NUCKS1: variants seen among roughly 807,000 people sequenced by gnomAD.
The protein encoded by NUCKS1 is nuclear casein kinase and cyclin dependent kinase substrate 1, also known as nuclear ubiquitous casein and cyclin-dependent kinase substrate 1.
A neutral mutation model predicts 33.0 loss-of-function variants in NUCKS1; 2 were observed. That is an observed-to-expected ratio of 0.06 (90% CI 0.02 to 0.19). NUCKS1 has a LOEUF of 0.19. NUCKS1 is among the 10% of genes least tolerant of loss of function. The probability of loss-of-function intolerance (pLI) is 1.00; values close to 1 mark genes in which losing one functional copy is unlikely to be tolerated. For missense variants in NUCKS1, 201 were observed against 293.6 expected (o/e 0.68, Z 2.31); for synonymous variants, 106 against 102.8 (o/e 1.03, Z -0.19).
chr1:205,749,096 G>T (rs987253088), intron 1 of NUCKS1, among the ~76,000 whole-genome samples: 1 of 152,194 alleles, frequency 6.6e-6, no homozygotes, highest in African/African-American at 2.4e-5. Flanking sequence ...GGACAAGAGG[G>T]TTACAAAAAT....
At chr1:205,741,843 A>T (rs1654183806) in intron 1 of NUCKS1, among the ~76,000 whole-genome samples, 1 of 152,200 alleles carries the variant, frequency 6.6e-6, no homozygotes. Flanking sequence ...ACAACCCCTT[A>T]TCCAAAGCTC....
At chr1:205,749,933 C>T in intron 1 of NUCKS1, 24 bp downstream of exon 1, 2 of 1,608,148 alleles carry the variant, frequency 1.2e-6, no homozygotes, top group Non-Finnish European at 1.7e-6. Flanking sequence ...CCAACCCGCT[C>T]CAGGCCTCAG....
chr1:205,715,503 G>A lies in NUCKS1; in HGVS notation c.*2777C>T, dbSNP rs969776361. The A allele has an allele frequency of 2.6e-5, 4 of 152,168 alleles. No homozygotes were observed. Among genetic ancestry groups the A allele is most frequent in the South Asian group, 2.1e-4 (1 of 4,828 alleles). The allele number at this position is 152,168 out of a possible 1,614,324, so 9.4% of individuals were successfully genotyped here. A position where few individuals can be genotyped will look rare whatever the true frequency, so the allele number is the denominator to read the frequency against. On this transcript the variant is annotated 3_prime_UTR_variant, in exon 7 of 7. Transcript: ENST00000367142. ...CCTCTGGGCCCACTCCATTGATTCC[G>A]ATCTGAGGTGAGGAGGACTAAAAGC... is the stretch of plus-strand genomic sequence containing the variant.
intron 1 of NUCKS1, among the ~76,000 whole-genome samples, chr1:205,740,599 G>C (rs1027974540): frequency 1.3e-5 from 2 of 151,828 alleles, no homozygotes; most frequent in Admixed American, 6.6e-5. Context: ...GACAGATTGA[G>C]ACCCCATCTC....
At position 205,734,377 on chromosome 1, in the gene NUCKS1, G is replaced by T. The variant is rs1390773276; in HGVS notation, c.18-4756C>A. Among the ~76,000 whole-genome samples the T allele has an allele frequency of 2.6e-5, 4 of 151,922 alleles. No individual in the cohort carries two copies. The East Asian group carries it at 7.7e-4, about 29-fold the overall frequency. Reference sequence around the variant, plus strand: ...AATATGAAGTATTTTAACTTTCAATGATCTGAAAACAGCCAGAATGATCTC... The same window carrying T: ...AATATGAAGTATTTTAACTTTCAATTATCTGAAAACAGCCAGAATGATCTC... On this transcript the variant is annotated intron_variant, in intron 1 of 6. Coordinates refer to ENST00000367142, the MANE Select transcript of NUCKS1 (RefSeq NM_022731.5).
intron 1 of NUCKS1, among the ~76,000 whole-genome samples, chr1:205,748,445 G>C (rs1427392448): frequency 6.6e-6 from 1 of 152,096 alleles, no homozygotes; most frequent in Non-Finnish European, 1.5e-5. Flanking sequence ...AATATTCTAC[G>C]TGAGTTGATG....
In NUCKS1 at chr1:205,715,642, A is replaced by G. The variant is rs1363332073; in HGVS notation, c.*2638T>C. 6.6e-6 allele frequency: 1 copy of G among 152,272 alleles called. No homozygotes were observed. Among genetic ancestry groups the G allele is most frequent in the East Asian group, 1.9e-4 (1 of 5,200 alleles). 9.4% of individuals were successfully genotyped at this position (152,272 alleles called of 1,614,324 possible). ...GAACTAGAATGTAGTGTCAGTCAGC[A>G]TAGCTGCTGAAATCTACGTTGTAGA... is the stretch of plus-strand genomic sequence containing the variant. On this transcript the variant is annotated 3_prime_UTR_variant, in exon 7 of 7. Transcript: ENST00000367142.
intron 1 of NUCKS1, among the ~76,000 whole-genome samples, chr1:205,735,608 C>A (rs1297577682): frequency 6.6e-6 from 1 of 152,216 alleles, no homozygotes; most frequent in African/African-American, 2.4e-5. Flanking sequence ...TGTATATCCT[C>A]AAGCAAGTTA....
At position 205,718,395 on chromosome 1, in the gene NUCKS1, T is replaced by G; in HGVS notation, c.617A>C (p.Lys206Thr). The G allele has an allele frequency of 6.2e-7, 1 of 1,613,602 alleles. No homozygotes were observed. The highest frequency in any genetic ancestry group is 2.2e-5 in the East Asian group (1 of 44,890). ...GCTTTCCGGTTCCTCATCTTCTTCTTTGGGAGAAGGAGTCTTTTCCTTTGA... is the reference window on the plus strand; with the variant it reads ...GCTTTCCGGTTCCTCATCTTCTTCTGTGGGAGAAGGAGTCTTTTCCTTTGA... ...KASKEKTPSPKEEDEEPESPP... is the reference protein window; with the variant it reads ...KASKEKTPSPTEEDEEPESPP... Residue 206 changes from lysine (K) to threonine (T), a missense_variant, in exon 7 of 7, where the codon AAA becomes ACA. By Grantham distance (78) the Lys-to-Thr change is moderately conservative. Coordinates refer to ENST00000367142, the MANE Select transcript of NUCKS1 (RefSeq NM_022731.5).
At position 205,718,248 on chromosome 1, in the gene NUCKS1, T is replaced by A. The variant is rs80115536; in HGVS notation, c.*32A>T. 60 of 1,520,700 alleles carry A rather than the reference T, an allele frequency of 3.9e-5. No individual in the cohort carries two copies. Among genetic ancestry groups the A allele is most frequent in the African/African-American group, 2.1e-4 (15 of 70,928 alleles). The allele number at this position is 1,520,700 out of a possible 1,614,324, so 94.2% of individuals were successfully genotyped here. A position where few individuals can be genotyped will look rare whatever the true frequency, so the allele number is the denominator to read the frequency against. Reference sequence around the variant, plus strand: ...TTTTCTTTTTTTTTCTTTTTTTTTTTAATAAAATCTCTCCCCAGACCATCA... The same window carrying A: ...TTTTCTTTTTTTTTCTTTTTTTTTTAAATAAAATCTCTCCCCAGACCATCA... On this transcript the variant is annotated 3_prime_UTR_variant, in exon 7 of 7. Coordinates refer to ENST00000367142, the MANE Select transcript of NUCKS1 (RefSeq NM_022731.5).
Position 205,718,427 on chromosome 1 carries a change from T to C in NUCKS1, c.585A>G (p.Ser195=). 6.2e-7 allele frequency: 1 copy of C among 1,612,984 alleles called. No individual in the cohort carries two copies. The highest frequency in any genetic ancestry group is 1.1e-5 in the South Asian group (1 of 91,028). The change falls in exon 7 of 7, where the codon TCA becomes TCG. Residue 195 remains serine, a synonymous_variant. Transcript: ENST00000367142. ...GKGKVGRPTA[S]KASKEKTPSP... is the part of the protein sequence containing the mutation. ...AAGGAGTCTTTTCCTTTGATGCCTT[T>C]GAAGCTGTGGGGCGACCCACTTTCC... is the stretch of plus-strand genomic sequence containing the variant.
intron 1 of NUCKS1, among the ~76,000 whole-genome samples, chr1:205,736,660 C>CTAAAAAA (rs1167438937): frequency 6.6e-6 from 1 of 151,778 alleles, no homozygotes; most frequent in Non-Finnish European, 1.5e-5. Context: ...TCCATCTCTA[C>CTAAAAAA]TAAAAAATAA....
intron 1 of NUCKS1, among the ~76,000 whole-genome samples, chr1:205,738,094 C>G (rs140132920): frequency 3.3e-5 from 5 of 151,800 alleles, no homozygotes; most frequent in Non-Finnish European, 5.9e-5. Flanking sequence ...GGCGTGATCT[C>G]GGCTCACTGC....
intron 1 of NUCKS1, among the ~76,000 whole-genome samples, chr1:205,747,711 G>C (rs1462365351): frequency 6.6e-6 from 1 of 152,174 alleles, no homozygotes; most frequent in Non-Finnish European, 1.5e-5. Context: ...TTAAAACAAG[G>C]CTGATGATTC....
chr1:205,731,279 T>A (rs535291059), intron 1 of NUCKS1: 1 of 152,352 alleles, frequency 6.6e-6, no homozygotes. Context: ...TGGGGATATA[T>A]GCATGGTCTT....
At chr1:205,724,630 G>A (rs897082102) in intron 3 of NUCKS1, among the ~76,000 whole-genome samples, 2 of 152,110 alleles carry the variant, frequency 1.3e-5, no homozygotes, top group Non-Finnish European at 2.9e-5. Context: ...GGAGGCAGAG[G>A]TTGCAGTGAG....
At chr1:205,729,294 GAAC>G (rs1417102441) in intron 2 of NUCKS1, among the ~76,000 whole-genome samples, 1 of 152,108 alleles carries the variant, frequency 6.6e-6, no homozygotes, top group Non-Finnish European at 1.5e-5. Context: ...TTTAAGCAAT[GAAC>G]ACTGTATCAG....
At chr1:205,718,514 GA>G in intron 6 of NUCKS1, 35 bp from the exon 7 acceptor site, 1 of 1,589,518 alleles carries the variant, frequency 6.3e-7, no homozygotes, top group Non-Finnish European at 8.5e-7. Context: ...GAAGGGAAGA[GA>G]AAAAAATGTC....
chr1:205,744,825 T>C (rs1193420442), intron 1 of NUCKS1, among the ~76,000 whole-genome samples: 2 of 151,908 alleles, frequency 1.3e-5, no homozygotes, highest in African/African-American at 4.8e-5. Flanking sequence ...AGAGACGGGG[T>C]TTCTCCATGT....
Sources: allele counts gnomAD v4.1 joint callset (sites outside exome capture counted in the v4.1 genomes callset), GRCh38; gene constraint gnomAD v4.1.1; transcripts MANE v1.5; gene names NCBI Gene and HGNC (gene_info 2026-07-23, HGNC 2026-07-21).